SMURF1: variants seen among roughly 807,000 people sequenced by gnomAD.
The protein encoded by SMURF1 is SMAD specific E3 ubiquitin protein ligase 1, also known as E3 ubiquitin-protein ligase SMURF1.
Under a neutral mutation model 98.0 loss-of-function variants are expected in SMURF1, and 44 were observed. The ratio of observed to expected loss-of-function variants is 0.45; its 90% confidence interval spans 0.35 to 0.58. The LOEUF (loss-of-function observed/expected upper bound fraction) is 0.58, where lower values mean the gene tolerates loss of function less well. SMURF1 is among the 20% of genes least tolerant of loss of function. The pLI is 0.00. For synonymous variants in SMURF1, 396 were observed against 374.9 expected (o/e 1.06, Z -0.65); for missense variants, 687 against 938.4 (o/e 0.73, Z 3.50).
chr7:99,067,447 A>AC (rs1796220990), intron 1 of SMURF1, among the ~76,000 whole-genome samples: 1 of 152,072 alleles, frequency 6.6e-6, no homozygotes, highest in African/African-American at 2.4e-5. Context: ...ACCCTGAAGC[A>AC]CCCCTCTACC....
chr7:99,116,540 C>G (rs751382090), intron 1 of SMURF1, among the ~76,000 whole-genome samples: 6 of 152,110 alleles, frequency 3.9e-5, no homozygotes, highest in African/African-American at 1.4e-4. Flanking sequence ...GATCAACATA[C>G]TAAAATCAGC....
At chr7:99,044,126 C>T (rs1795490331) in intron 11 of SMURF1, among the ~76,000 whole-genome samples, 1 of 152,064 alleles carries the variant, frequency 6.6e-6, no homozygotes, top group Admixed American at 6.5e-5. Context: ...CACCTGGCCA[C>T]CATGGTGAAA....
In SMURF1 at chr7:99,049,534, G is replaced by A. The variant is rs781084195; in HGVS notation, c.953+29C>T. On this transcript the variant is annotated intron_variant, in intron 9 of 17. Coordinates refer to ENST00000361368, the MANE Select transcript of SMURF1 (RefSeq NM_181349.3). Reference sequence around the variant, plus strand: ...AAGCATTCGATTACCAATGAAAGAGGTCAGCAAAAAATATTTTTAAAGTCT... The same window carrying A: ...AAGCATTCGATTACCAATGAAAGAGATCAGCAAAAAATATTTTTAAAGTCT... 1.9e-6 allele frequency: 3 copies of A among 1,603,854 alleles called. No homozygotes were observed. The East Asian group carries it at 6.7e-5, about 36-fold the overall frequency.
intron 1 of SMURF1, among the ~76,000 whole-genome samples, chr7:99,126,738 T>C (rs552065083): frequency 6.6e-6 from 1 of 152,256 alleles, no homozygotes; most frequent in Non-Finnish European, 1.5e-5. Context: ...TGGGATAAGA[T>C]GCATTGATCT....
At chr7:99,059,397 CAAAAAAAAAT>C (rs1341344629) in intron 3 of SMURF1, among the ~76,000 whole-genome samples, 45 of 57,092 alleles carry the variant, frequency 7.9e-4, no homozygotes, top group African/African-American at 2.8e-3. Flanking sequence ...GACTCCATCT[CAAAAAAAAAT>C]AAAATAAAAT....
At chr7:99,138,151 C>T (rs531188466) in intron 1 of SMURF1, among the ~76,000 whole-genome samples, 1 of 151,574 alleles carries the variant, frequency 6.6e-6, no homozygotes, top group Non-Finnish European at 1.5e-5. Context: ...AAAAATTAGC[C>T]TCTAAAATGG....
chr7:99,038,663 G>T, intron 13 of SMURF1, 138 bp from the exon 14 acceptor site: 2 of 932,572 alleles, frequency 2.1e-6, no homozygotes, highest in Non-Finnish European at 3.2e-6. Flanking sequence ...AACCTGCGTG[G>T]GGGTGGCACA....
chr7:99,057,610 T>TG, intron 3 of SMURF1, 59 bp from the exon 4 acceptor site: 4 of 1,334,202 alleles, frequency 3.0e-6, no homozygotes, highest in Admixed American at 2.9e-5. Context: ...GTTTTGTTTT[T>TG]TTTTTTTTTT....
chr7:99,067,966 TACTACTTGTGGTTTCACCC>T (rs1489166356), intron 1 of SMURF1, among the ~76,000 whole-genome samples: 2 of 152,054 alleles, frequency 1.3e-5, no homozygotes, highest in Non-Finnish European at 2.9e-5. Context: ...ACCAAAAAAA[TACTACTTGTGGTTTCACCC>T]ACTCCAACAA....
chr7:99,130,400 C>T (rs1234117333), intron 1 of SMURF1, among the ~76,000 whole-genome samples: 3 of 152,186 alleles, frequency 2.0e-5, no homozygotes, highest in Non-Finnish European at 2.9e-5. Context: ...TTGCAGTGAG[C>T]TAAGATCACA....
intron 1 of SMURF1, among the ~76,000 whole-genome samples, chr7:99,102,863 G>A (rs988450014): frequency 2.6e-5 from 4 of 151,936 alleles, no homozygotes; most frequent in Admixed American, 2.0e-4. Context: ...GTCTCACTCC[G>A]TCACCCAGGC....
intron 6 of SMURF1, among the ~76,000 whole-genome samples, chr7:99,052,879 C>T (rs926246375): frequency 4.6e-5 from 7 of 152,246 alleles, no homozygotes; most frequent in African/African-American, 1.7e-4. Context: ...GCCTGGCCAA[C>T]ATGATGAAAC....
chr7:99,050,761 A>T (rs1174565466), intron 8 of SMURF1: 1 of 600,250 alleles, frequency 1.7e-6, no homozygotes, highest in African/African-American at 1.8e-5. Flanking sequence ...TCAGACAGGA[A>T]GTTTATTCTC....
At chr7:99,088,475 C>G (rs781768468) in intron 1 of SMURF1, among the ~76,000 whole-genome samples, 1 of 151,110 alleles carries the variant, frequency 6.6e-6, no homozygotes, top group Admixed American at 6.6e-5. Context: ...TGTAAAGTTA[C>G]CTACTTCTTT....
At chr7:99,138,602 A>G (rs1427885841) in intron 1 of SMURF1, among the ~76,000 whole-genome samples, 4 of 152,224 alleles carry the variant, frequency 2.6e-5, no homozygotes, top group Non-Finnish European at 5.9e-5. Flanking sequence ...AAACTCTGAC[A>G]GATGGACTTG....
intron 1 of SMURF1, among the ~76,000 whole-genome samples, chr7:99,115,189 G>A (rs1226281385): frequency 6.6e-6 from 1 of 151,922 alleles, no homozygotes; most frequent in African/African-American, 2.4e-5. Flanking sequence ...AGAGAATTAA[G>A]AAAATCAAAA....
chr7:99,046,918 C>T (rs1795600897), intron 10 of SMURF1, among the ~76,000 whole-genome samples: 5 of 152,150 alleles, frequency 3.3e-5, no homozygotes, highest in Admixed American at 3.3e-4. Context: ...GCCCAGCCCT[C>T]GCGGTGGGGA....
At chr7:99,132,993 G>A (rs1282100290) in intron 1 of SMURF1, among the ~76,000 whole-genome samples, 1 of 152,112 alleles carries the variant, frequency 6.6e-6, no homozygotes, top group Non-Finnish European at 1.5e-5. Context: ...GGGTGGATGC[G>A]GCTAGAAAGG....
chr7:99,107,071 T>C (rs1231862229), intron 1 of SMURF1, among the ~76,000 whole-genome samples: 1 of 152,170 alleles, frequency 6.6e-6, no homozygotes, highest in South Asian at 2.1e-4. Context: ...AGGAACAAGA[T>C]TGAACAAAGA....
Sources: allele counts gnomAD v4.1 joint callset (sites outside exome capture counted in the v4.1 genomes callset), GRCh38; gene constraint gnomAD v4.1.1; transcripts MANE v1.5; gene names NCBI Gene and HGNC (gene_info 2026-07-23, HGNC 2026-07-21).